The following SUMF1 variants were observed in gnomAD, a reference collection of about 807,000 sequenced individuals.
SUMF1 encodes formylglycine-generating enzyme.
A neutral mutation model predicts 47.6 loss-of-function variants in SUMF1; 48 were observed. That is an observed-to-expected ratio of 1.01 (90% CI 0.80 to 1.28). SUMF1 has a LOEUF of 1.28. SUMF1 is among the 50% of genes most tolerant of loss of function. The probability of loss-of-function intolerance (pLI) is 0.00; values close to 1 mark genes in which losing one functional copy is unlikely to be tolerated. For synonymous variants in SUMF1, 230 were observed against 192.1 expected, an observed-to-expected ratio of 1.20 and a Z score of -1.63; for missense variants, 571 against 485.4, an observed-to-expected ratio of 1.18 and a Z score of -1.66.
chr3:4,087,265 G>A (rs982964543), intron 8 of SUMF1, among the ~76,000 whole-genome samples: 8 of 152,144 alleles, frequency 5.3e-5, no homozygotes, highest in Non-Finnish European at 7.3e-5. Flanking sequence ...TTCTGATCTC[G>A]CAGACATGGA....
chr3:4,172,376 T>C (rs1219665281), intron 8 of SUMF1, among the ~76,000 whole-genome samples: 1 of 152,168 alleles, frequency 6.6e-6, no homozygotes, highest in Non-Finnish European at 1.5e-5. Context: ...CTATAAAATT[T>C]ACACATGTGC....
chr3:4,233,875 C>G (rs1242586088), intron 8 of SUMF1, among the ~76,000 whole-genome samples: 1 of 152,142 alleles, frequency 6.6e-6, no homozygotes, highest in Admixed American at 6.6e-5. Flanking sequence ...TGCACCGATG[C>G]ACCAATAAAT....
At chr3:4,221,122 C>T (rs1319686030) in intron 8 of SUMF1, among the ~76,000 whole-genome samples, 1 of 152,074 alleles carries the variant, frequency 6.6e-6, no homozygotes, top group Non-Finnish European at 1.5e-5. Flanking sequence ...TGTCGCATGC[C>T]TTTTATTCAC....
chr3:4,169,344 T>C lies in SUMF1; in HGVS notation c.1015-100599A>G, dbSNP rs544349109. Among the ~76,000 whole-genome samples the C allele has an allele frequency of 3.3e-5, 5 of 152,192 alleles. 1 individual carries two copies. In the South Asian group the frequency reaches 1.0e-3, roughly 32 times the overall value. On this transcript the variant is annotated intron_variant and NMD_transcript_variant, in intron 8 of 12. Transcript: ENST00000448413. ...TCAAATTAAGATGAGGTCATTAGAG[T>C]GGCTCCTCATCCAATATGACTAGTA...
At chr3:4,446,145 T>C (rs1284189327) in intron 3 of SUMF1, among the ~76,000 whole-genome samples, 2 of 152,188 alleles carry the variant, frequency 1.3e-5, no homozygotes, top group African/African-American at 4.8e-5. Flanking sequence ...AAGATTAGAT[T>C]ATCACCATCT....
chr3:4,222,012 T>C (rs550917689), intron 8 of SUMF1, among the ~76,000 whole-genome samples: 86 of 152,198 alleles, frequency 5.7e-4, no homozygotes, highest in African/African-American at 1.9e-3. Flanking sequence ...AAAAAATTTA[T>C]GCTTTTGAAG....
chr3:4,282,288 T>C (rs1175925133), intron 8 of SUMF1, among the ~76,000 whole-genome samples: 11 of 152,292 alleles, frequency 7.2e-5, no homozygotes, highest in African/African-American at 2.4e-4. Context: ...AAAAGCTTTA[T>C]TGCAGTTTTA....
intron 8 of SUMF1, among the ~76,000 whole-genome samples, chr3:4,120,351 G>A (rs1460477825): frequency 6.6e-6 from 1 of 152,090 alleles, no homozygotes; most frequent in Non-Finnish European, 1.5e-5. Flanking sequence ...TTTTCTGAAA[G>A]CTTGTTAGAT....
chr3:4,082,730 A>G (rs948507565), intron 8 of SUMF1, among the ~76,000 whole-genome samples: 2 of 152,148 alleles, frequency 1.3e-5, no homozygotes, highest in Non-Finnish European at 2.9e-5. Flanking sequence ...TAATGAATAG[A>G]CATTTTAAAA....
intron 8 of SUMF1, among the ~76,000 whole-genome samples, chr3:4,233,710 A>T (rs777939314): frequency 2.0e-5 from 3 of 152,162 alleles, no homozygotes; most frequent in Non-Finnish European, 2.9e-5. Context: ...AAATGCTATT[A>T]CAGAAGTTTC....
chr3:4,060,364 G>A (rs1488346105), intron 9 of SUMF1, among the ~76,000 whole-genome samples: 1 of 152,174 alleles, frequency 6.6e-6, no homozygotes, highest in Non-Finnish European at 1.5e-5. Context: ...TCCCAGGAAT[G>A]CCACTGTGTG....
Position 4,449,250 on chromosome 3 carries a change from T to C in SUMF1, c.519+16A>G, listed in dbSNP as rs758473950. On this transcript the variant is annotated intron_variant, in intron 3 of 8. Transcript: ENST00000272902. Reference sequence around the variant, plus strand: ...AGCCTTAGAGAAATACAGGAGCCTGTTGAAACATTACTTACTGCCTGTTGA... The same window carrying C: ...AGCCTTAGAGAAATACAGGAGCCTGCTGAAACATTACTTACTGCCTGTTGA... 3.1e-6 allele frequency: 5 copies of C among 1,613,966 alleles called. No homozygotes were observed. Among genetic ancestry groups the C allele is most frequent in the Middle Eastern group, 1.6e-4 (1 of 6,084 alleles).
intron 8 of SUMF1, among the ~76,000 whole-genome samples, chr3:4,150,867 G>A (rs1477940400): frequency 1.3e-5 from 2 of 151,330 alleles, no homozygotes; most frequent in African/African-American, 4.9e-5. Flanking sequence ...CCAGATAGGA[G>A]GAGACCCCTG....
chr3:4,256,687 A>C (rs2125017791), intron 8 of SUMF1, among the ~76,000 whole-genome samples: 1 of 152,276 alleles, frequency 6.6e-6, no homozygotes, highest in South Asian at 2.1e-4. Context: ...TACCAGAGGT[A>C]CAAGGAGGAA....
intron 8 of SUMF1, among the ~76,000 whole-genome samples, chr3:4,366,203 G>T (rs1182543201): frequency 6.6e-6 from 1 of 151,752 alleles, no homozygotes; most frequent in Non-Finnish European, 1.5e-5. Context: ...TCTTGGAGTT[G>T]CTCTTCTCGA....
intron 8 of SUMF1, among the ~76,000 whole-genome samples, chr3:4,071,624 G>T (rs1311447727): frequency 6.6e-6 from 1 of 152,168 alleles, no homozygotes. Flanking sequence ...TGGGGGGAGG[G>T]GCATCCGCCA....
At chr3:4,372,047 T>A (rs577152614) in intron 8 of SUMF1, among the ~76,000 whole-genome samples, 3 of 152,188 alleles carry the variant, frequency 2.0e-5, no homozygotes, top group African/African-American at 7.2e-5. Flanking sequence ...GTGGCTCATG[T>A]CTGTTATCTC....
intron 9 of SUMF1, among the ~76,000 whole-genome samples, chr3:4,045,216 C>A (rs1486102258): frequency 6.6e-6 from 1 of 152,112 alleles, no homozygotes; most frequent in African/African-American, 2.4e-5. Flanking sequence ...TCCTTAAGAG[C>A]AGAACTGAGG....
At chr3:4,116,321 A>G (rs1037772423) in intron 8 of SUMF1, among the ~76,000 whole-genome samples, 1 of 152,162 alleles carries the variant, frequency 6.6e-6, no homozygotes, top group Non-Finnish European at 1.5e-5. Flanking sequence ...AGTAAGAACA[A>G]TGATTATTAT....
Sources: allele counts gnomAD v4.1 joint callset (sites outside exome capture counted in the v4.1 genomes callset), GRCh38; gene constraint gnomAD v4.1.1; transcripts MANE v1.5; gene names NCBI Gene and HGNC (gene_info 2026-07-23, HGNC 2026-07-21).